LRRC4C: variants seen among roughly 807,000 people sequenced by gnomAD.
LRRC4C encodes the protein leucine rich repeat containing 4C, also known as leucine-rich repeat-containing protein 4C.
A neutral mutation model predicts 33.6 loss-of-function variants in LRRC4C; 5 were observed. The ratio of observed to expected loss-of-function variants is 0.15; its 90% CI spans 0.08 to 0.31. The LOEUF (loss-of-function observed/expected upper bound fraction) is 0.31. Among genes scored for constraint, LRRC4C ranks in the 10% least tolerant of loss-of-function variants. The pLI, the probability that LRRC4C is intolerant of heterozygous loss-of-function variation, is 1.00. For missense variants in LRRC4C, 560 were observed against 796.7 expected, an observed-to-expected ratio of 0.70 and a Z score of 3.58; for synonymous variants, 329 against 302.0, an observed-to-expected ratio of 1.09 and a Z score of -0.93.
chr11:41,314,970 T>C (rs564173120), intron 1 of LRRC4C, among the ~76,000 whole-genome samples: 1 of 152,266 alleles, frequency 6.6e-6, no homozygotes, highest in African/African-American at 2.4e-5. Context: ...ACTGGACTGA[T>C]CTTGAGCAAA....
intron 3 of LRRC4C, among the ~76,000 whole-genome samples, chr11:40,556,582 T>C (rs1409772414): frequency 6.6e-6 from 1 of 152,212 alleles, no homozygotes; most frequent in African/African-American, 2.4e-5. Flanking sequence ...CTGTGTCTGC[T>C]ACAGATTGTA....
At chr11:41,410,730 G>A (rs1432244719) in intron 1 of LRRC4C, among the ~76,000 whole-genome samples, 2 of 152,072 alleles carry the variant, frequency 1.3e-5, no homozygotes, top group Admixed American at 6.6e-5. Flanking sequence ...ATGAGCCACC[G>A]CGCCTGGCCG....
At chr11:40,821,352 A>G (rs143184489) in intron 2 of LRRC4C, among the ~76,000 whole-genome samples, 1,864 of 151,816 alleles carry the variant, frequency 0.012, 15 homozygotes, top group Middle Eastern at 0.024. Context: ...ATTTTGAAGA[A>G]AAATAAATTT....
chr11:40,796,020 G>T (rs1950810695), intron 2 of LRRC4C, among the ~76,000 whole-genome samples: 1 of 152,096 alleles, frequency 6.6e-6, no homozygotes, highest in Non-Finnish European at 1.5e-5. Flanking sequence ...TCTGATCATA[G>T]AATGAAAATG....
rs148567994 is a variant in LRRC4C at position 40,749,030 on chromosome 11, A to T, written c.-406-100752T>A. Among the ~76,000 whole-genome samples the T allele has an allele frequency of 8.7e-4, 133 of 152,252 alleles. No individual in the cohort carries two copies. In the Middle Eastern group the frequency reaches 0.01, roughly 12 times the overall value. Reference sequence around the variant, plus strand: ...GAGAGAGAGAGAGCGACTGCAATGGAATGATTGTAGGAGATTCAACGTAAG... The same window carrying T: ...GAGAGAGAGAGAGCGACTGCAATGGTATGATTGTAGGAGATTCAACGTAAG... On this transcript the variant is annotated intron_variant, in intron 2 of 6. Coordinates refer to ENST00000528697, the MANE Select transcript of LRRC4C (RefSeq NM_001258419.2).
chr11:40,756,483 G>A (rs1444873489), intron 2 of LRRC4C, among the ~76,000 whole-genome samples: 1 of 152,046 alleles, frequency 6.6e-6, no homozygotes, highest in Non-Finnish European at 1.5e-5. Context: ...CAGGCTGCCA[G>A]GGATTTAAAA....
At chr11:41,127,313 AC>A (rs1263814537) in intron 1 of LRRC4C, among the ~76,000 whole-genome samples, 1 of 151,564 alleles carries the variant, frequency 6.6e-6, no homozygotes, top group Non-Finnish European at 1.5e-5. Flanking sequence ...AAGTATTAAG[AC>A]CTAATTCAAA....
At chr11:41,316,986 C>T (rs1249482337) in intron 1 of LRRC4C, among the ~76,000 whole-genome samples, 1 of 152,330 alleles carries the variant, frequency 6.6e-6, no homozygotes, top group East Asian at 1.9e-4. Flanking sequence ...CCCAGACACT[C>T]GAACTCATTA....
chr11:40,599,389 A>G (rs780116707), intron 3 of LRRC4C, among the ~76,000 whole-genome samples: 6 of 152,188 alleles, frequency 3.9e-5, no homozygotes, highest in Non-Finnish European at 1.5e-5. Flanking sequence ...TCAAGGCTGC[A>G]GTGAGCTCTG....
intron 5 of LRRC4C, among the ~76,000 whole-genome samples, chr11:40,144,779 GA>G (rs1857606328): frequency 6.6e-6 from 1 of 152,182 alleles, no homozygotes. Context: ...GTTAATAGAA[GA>G]AATCAAATAT....
At chr11:40,362,199 A>G (rs1284500815) in intron 3 of LRRC4C, among the ~76,000 whole-genome samples, 2 of 152,210 alleles carry the variant, frequency 1.3e-5, no homozygotes, top group African/African-American at 4.8e-5. Context: ...GGACACAGGC[A>G]TGGGCAAAGA....
At chr11:40,967,803 A>G (rs575388383) in intron 1 of LRRC4C, among the ~76,000 whole-genome samples, 83 of 151,724 alleles carry the variant, frequency 5.5e-4, no homozygotes, top group African/African-American at 2.0e-3. Flanking sequence ...ATAATTATTC[A>G]ATATTTTTGA....
intron 3 of LRRC4C, among the ~76,000 whole-genome samples, chr11:40,500,954 C>T (rs554985760): frequency 8.5e-5 from 13 of 152,272 alleles, no homozygotes; most frequent in African/African-American, 3.1e-4. Flanking sequence ...AAGTTAGTTA[C>T]TTCCTAGATA....
intron 3 of LRRC4C, among the ~76,000 whole-genome samples, chr11:40,371,041 T>C (rs931985292): frequency 1.3e-5 from 2 of 152,126 alleles, no homozygotes; most frequent in African/African-American, 4.8e-5. Context: ...CCCTCGGACT[T>C]AGAGGCACTC....
intron 4 of LRRC4C, among the ~76,000 whole-genome samples, chr11:40,274,266 C>T (rs1465200090): frequency 1.3e-5 from 2 of 151,812 alleles, no homozygotes; most frequent in African/African-American, 2.4e-5. Flanking sequence ...GAAAGATTCC[C>T]GTCAAGCCTC....
At chr11:40,396,224 C>G (rs1376018115) in intron 3 of LRRC4C, among the ~76,000 whole-genome samples, 2 of 151,946 alleles carry the variant, frequency 1.3e-5, no homozygotes, top group Non-Finnish European at 2.9e-5. Flanking sequence ...AGAATTGTTT[C>G]TGTTTTTTAT....
chr11:40,138,404 C>G (rs903169253), intron 6 of LRRC4C, among the ~76,000 whole-genome samples: 1 of 152,144 alleles, frequency 6.6e-6, no homozygotes, highest in Non-Finnish European at 1.5e-5. Context: ...ATTCTCTTGA[C>G]AACTTGTTTT....
At chr11:40,912,843 T>C (rs376444419) in intron 2 of LRRC4C, among the ~76,000 whole-genome samples, 3 of 152,070 alleles carry the variant, frequency 2.0e-5, no homozygotes, top group Non-Finnish European at 4.4e-5. Context: ...AATAAAGGGA[T>C]GGAGGAAGAT....
chr11:40,487,162 ATTC>A lies in LRRC4C; in HGVS notation c.-270+160977_-270+160979del, dbSNP rs1307857669. Among the ~76,000 whole-genome samples the A allele has an allele frequency of 2.6e-5, 4 of 152,200 alleles. No homozygotes were observed. In the East Asian group the frequency reaches 5.8e-4, roughly 22 times the overall value. On this transcript the variant is annotated intron_variant, in intron 3 of 6. Coordinates refer to ENST00000528697, the MANE Select transcript of LRRC4C (RefSeq NM_001258419.2). ...GACATGCGAAGTTGGAAGATCAAAGATTCTTGATTCCTTGTGTGTGAATTTTCT... is the reference window on the plus strand; with the variant it reads ...GACATGCGAAGTTGGAAGATCAAAGATTGATTCCTTGTGTGTGAATTTTCT...
Sources: allele counts gnomAD v4.1 joint callset (sites outside exome capture counted in the v4.1 genomes callset), GRCh38; gene constraint gnomAD v4.1.1; transcripts MANE v1.5; gene names NCBI Gene and HGNC (gene_info 2026-07-23, HGNC 2026-07-21).